RPL4: variants seen among roughly 807,000 people sequenced by gnomAD.
The protein encoded by RPL4 is ribosomal protein L4, also known as large ribosomal subunit protein uL4.
RPL4 carries 3 observed loss-of-function variants against 47.7 expected under a neutral mutation model. The observed-to-expected ratio is 0.06, with a 90% CI of 0.03 to 0.16. The LOEUF (loss-of-function observed/expected upper bound fraction) is 0.16, where lower values mean the gene tolerates loss of function less well. RPL4 is among the 10% of genes least tolerant of loss of function. The probability of loss-of-function intolerance (pLI) is 1.00; values close to 1 mark genes in which losing one functional copy is unlikely to be tolerated. For missense variants in RPL4, 413 were observed against 551.3 expected (o/e 0.75, Z 2.51); for synonymous variants, 208 against 182.1 (o/e 1.14, Z -1.15).
chr15:66,502,483 TAA>T (rs772397890), intron 4 of RPL4, 127 bp downstream of exon 4: 7 of 1,019,468 alleles, frequency 6.9e-6, no homozygotes, highest in Non-Finnish European at 9.8e-6. Flanking sequence ...TATTTTATGC[TAA>T]AAACATTCAA....
chr15:66,502,056 AAC>A, intron 4 of RPL4, 144 bp from the exon 5 acceptor site: 1 of 1,058,454 alleles, frequency 9.4e-7, no homozygotes, highest in Non-Finnish European at 1.5e-6. Context: ...GTGTTTCAGA[AAC>A]ACGGACCAAT....
At chr15:66,499,832 TAAC>T (rs1893572089) in intron 9 of RPL4, 180 bp from the exon 10 acceptor site, 1 of 942,334 alleles carries the variant, frequency 1.1e-6, no homozygotes. Context: ...GAGACCAGCC[TAAC>T]AATATAGTGA....
At chr15:66,502,909 C>T in intron 3 of RPL4, 149 bp downstream of exon 3, 1 of 1,318,394 alleles carries the variant, frequency 7.6e-7, no homozygotes, top group Admixed American at 1.7e-5. Context: ...GACATCATTG[C>T]AAGCAAAATA....
rs757947957 is a variant in RPL4 at position 66,504,770 on chromosome 15, A to T, written c.3+18T>A. ...CCCGAGATACGGGGTAAGGCCAGCC[A>T]AGAGAACTTCCACTCACCATGGCGG... On this transcript the variant is annotated intron_variant, in intron 1 of 9. Coordinates refer to ENST00000307961, the MANE Select transcript of RPL4 (RefSeq NM_000968.4). The T allele has an allele frequency of 2.5e-6, 4 of 1,611,944 alleles. No individual in the cohort carries two copies. The East Asian group carries it at 8.9e-5, about 36-fold the overall frequency.
intron 6 of RPL4, 55 bp downstream of exon 6, chr15:66,501,320 A>G: frequency 6.2e-7 from 1 of 1,611,918 alleles, no homozygotes; most frequent in Non-Finnish European, 8.5e-7. Flanking sequence ...TCATAACAAA[A>G]GCTGAGTAGA....
chr15:66,502,198 T>TC (rs747303682), intron 4 of RPL4: 13 of 493,044 alleles, frequency 2.6e-5, no homozygotes, highest in Admixed American at 9.5e-5. Flanking sequence ...ACGCTAGTAT[T>TC]CCCTGATTGA....
Position 66,504,847 on chromosome 15 carries a change from G to C in RPL4, c.-57C>G. On this transcript the variant is annotated 5_prime_UTR_variant, in exon 1 of 10. Coordinates refer to ENST00000307961, the MANE Select transcript of RPL4 (RefSeq NM_000968.4). ...AGCCCGGCTGCTGCCACAGGAAAAG[G>C]AAGTGCTTACCACTCCCGCTGTATA... 1.2e-6 allele frequency: 2 copies of C among 1,603,504 alleles called. No individual in the cohort carries two copies. Among genetic ancestry groups the C allele is most frequent in the Non-Finnish European group, 1.7e-6 (2 of 1,175,344 alleles).
At chr15:66,502,185 G>C (rs1595896119) in intron 4 of RPL4, 1 of 538,682 alleles carries the variant, frequency 1.9e-6, no homozygotes, top group East Asian at 3.8e-5. Flanking sequence ...TAGTTCCCCA[G>C]TTACGCTAGT....
intron 3 of RPL4, 123 bp downstream of exon 3, chr15:66,502,935 A>G: frequency 7.8e-7 from 1 of 1,282,058 alleles, no homozygotes; most frequent in East Asian, 2.3e-5. Flanking sequence ...ATATAAATGA[A>G]GCCCCTTCTC....
In RPL4 at chr15:66,501,772, T is replaced by G; in HGVS notation, c.546+16A>C. 6.2e-7 allele frequency: 1 copy of G among 1,606,048 alleles called. No homozygotes were observed. The highest frequency in any genetic ancestry group is 1.1e-5 in the South Asian group (1 of 89,466). On this transcript the variant is annotated intron_variant, in intron 5 of 9. Coordinates refer to ENST00000307961, the MANE Select transcript of RPL4 (RefSeq NM_000968.4). ...AACAAGGAGTACCAAACTGTAAATG[T>G]GCTCATTGAACGGACCTTTTTGATA...
chr15:66,498,113 GCCA>G lies in RPL4; in HGVS notation c.*1291_*1293del, dbSNP rs560214558. On this transcript the variant is annotated 3_prime_UTR_variant, in exon 10 of 10. Coordinates refer to ENST00000307961, the MANE Select transcript of RPL4 (RefSeq NM_000968.4). Reference sequence around the variant, plus strand: ...GTGAACAGCACTTCCAATGTGGTGTGCCACCAAGTGGCTATCTTTAACCCCACA... The same window carrying G: ...GTGAACAGCACTTCCAATGTGGTGTGCCAAGTGGCTATCTTTAACCCCACA... 7.1e-4 allele frequency: 172 copies of G among 240,898 alleles called. No individual in the cohort carries two copies. Among genetic ancestry groups the G allele is most frequent in the African/African-American group, 3.0e-3 (134 of 44,670 alleles). 14.9% of individuals were successfully genotyped at this position (240,898 alleles called of 1,614,324 possible).
At chr15:66,500,904 A>C in intron 7 of RPL4, 45 bp downstream of exon 7, 1 of 1,584,054 alleles carries the variant, frequency 6.3e-7, no homozygotes, top group Non-Finnish European at 8.6e-7. Flanking sequence ...GAATGTTAAT[A>C]TCCACAATAT....
Position 66,503,177 on chromosome 15 carries a change from A to G in RPL4, c.176-13T>C. 3 of 1,612,872 alleles carry G rather than the reference A, an allele frequency of 1.9e-6. No individual in the cohort carries two copies. Among genetic ancestry groups the G allele is most frequent in the South Asian group, 1.1e-5 (1 of 91,010 alleles). On this transcript the variant is annotated splice_polypyrimidine_tract_variant and intron_variant, in intron 2 of 9. Coordinates refer to ENST00000307961, the MANE Select transcript of RPL4 (RefSeq NM_000968.4). ...CTAGTCTGATGACCTAAAATTGAGA[A>G]GAGATAAAAGTTGTAGCTGCTTCAT...
intron 5 of RPL4, 118 bp downstream of exon 5, chr15:66,501,670 T>C: frequency 6.6e-7 from 1 of 1,515,126 alleles, no homozygotes; most frequent in Non-Finnish European, 8.9e-7. Flanking sequence ...AATCGGGCTC[T>C]GAGGTTCTTG....
chr15:66,499,875 T>G (rs1567033905), intron 9 of RPL4, 181 bp downstream of exon 9: 8 of 926,794 alleles, frequency 8.6e-6, no homozygotes, highest in Non-Finnish European at 1.3e-5. Context: ...ATACAAAAAT[T>G]AGCCGGACAT....
Position 66,499,052 on chromosome 15 carries a change from A to T in RPL4, c.*355T>A. ...TTAAAGTTAAATCTTTACAGAATTT[A>T]ACCTATTTTCCATCTGGTGGGGAGC... On this transcript the variant is annotated 3_prime_UTR_variant, in exon 10 of 10. Transcript: ENST00000307961. The T allele has an allele frequency of 4.9e-6, 1 of 205,614 alleles. No individual in the cohort carries two copies. Among genetic ancestry groups the T allele is most frequent in the Non-Finnish European group, 9.9e-6 (1 of 100,900 alleles). The allele number at this position is 205,614 out of a possible 1,614,324, so 12.7% of individuals were successfully genotyped here.
At chr15:66,499,744 C>G in intron 9 of RPL4, 92 bp from the exon 10 acceptor site, 14 of 1,556,044 alleles carry the variant, frequency 9.0e-6, no homozygotes, top group Non-Finnish European at 1.0e-5. Flanking sequence ...AACAAACCAG[C>G]CGGGCACGGT....
At chr15:66,504,672 G>T in intron 1 of RPL4, 116 bp downstream of exon 1, 2 of 1,465,420 alleles carry the variant, frequency 1.4e-6, no homozygotes, top group Non-Finnish European at 1.9e-6. Context: ...GACGCCTTTG[G>T]TCCTCATCTC....
rs1159161749 is a variant in RPL4, at chr15:66,501,885, A to T, written c.449T>A (p.Leu150His). 1 of 1,612,252 alleles carries T rather than the reference A, an allele frequency of 6.2e-7. No homozygotes were observed. Among genetic ancestry groups the T allele is most frequent in the Admixed American group, 1.7e-5 (1 of 59,936 alleles). The change falls in exon 5 of 10, where the codon CTT becomes CAT. Residue 150 changes from leucine to histidine, a missense_variant. Transcript: ENST00000307961. Reference protein sequence around the residue: ...KGHRIEEVPELPLVVEDKVEG... With the variant: ...KGHRIEEVPEHPLVVEDKVEG... ...AACTTTATCTTCAACTACCAAAGGA[A>T]GTTCAGGAACTTCCTCAATACGATG... is the stretch of plus-strand genomic sequence containing the variant.
Sources: allele counts gnomAD v4.1 joint callset, GRCh38; gene constraint gnomAD v4.1.1; transcripts MANE v1.5; gene names NCBI Gene and HGNC (gene_info 2026-07-23, HGNC 2026-07-21).